Variants in SLC23A2 observed in about 807,000 individuals in gnomAD.
The protein encoded by SLC23A2 is solute carrier family 23 member 2.
A neutral mutation model predicts 73.3 loss-of-function variants in SLC23A2; 36 were observed. The observed-to-expected ratio is 0.49, with a 90% CI of 0.38 to 0.65. The LOEUF (loss-of-function observed/expected upper bound fraction) is 0.65, where lower values mean the gene tolerates loss of function less well. SLC23A2 is among the 30% of genes least tolerant of loss of function. The pLI, the probability that SLC23A2 is intolerant of heterozygous loss-of-function variation, is 0.00. For missense variants in SLC23A2, 507 were observed against 841.6 expected, an observed-to-expected ratio of 0.60 and a Z score of 4.92; for synonymous variants, 343 against 327.3, an observed-to-expected ratio of 1.05 and a Z score of -0.52.
Position 4,911,720 on chromosome 20 carries a change from T to C in SLC23A2, c.207+1160A>G, listed in dbSNP as rs772797161. ...AAAACTCAAATGAAAGCCTCAGAGC[T>C]GCGATACAATTTGGAGATATCAGAT... is the stretch of plus-strand genomic sequence containing the variant. On this transcript the variant is annotated intron_variant, in intron 4 of 16. Transcript: ENST00000338244. Among the ~76,000 whole-genome samples the C allele has an allele frequency of 1.3e-3, 191 of 152,322 alleles. 2 individuals carry two copies. The highest frequency in any genetic ancestry group is 6.9e-4 in the Non-Finnish European group (47 of 68,018).
At chr20:4,925,196 A>AG (rs1330770535) in intron 3 of SLC23A2, among the ~76,000 whole-genome samples, 1 of 151,968 alleles carries the variant, frequency 6.6e-6, no homozygotes, top group East Asian at 1.9e-4. Flanking sequence ...AAAAAAAAAA[A>AG]AGGATGGAAA....
In SLC23A2 at chr20:4,853,272, A is replaced by G. The variant is rs1929592270; in HGVS notation, c.*3700T>C. The G allele has an allele frequency of 6.6e-6, 1 of 152,556 alleles. No homozygotes were observed. Among genetic ancestry groups the G allele is most frequent in the South Asian group, 2.1e-4 (1 of 4,830 alleles). The allele number at this position is 152,556 out of a possible 1,614,324, so 9.5% of individuals were successfully genotyped here. ...GCGAGTGTACACCCCATGCACGGCC[A>G]TCCCCCAGGATGCTGCTGCTTCTCT... On this transcript the variant is annotated 3_prime_UTR_variant, in exon 17 of 17. Transcript: ENST00000338244.
chr20:4,981,389 CAGTATAAATAT>C (rs1383463721), intron 1 of SLC23A2, among the ~76,000 whole-genome samples: 3 of 152,148 alleles, frequency 2.0e-5, no homozygotes, highest in Non-Finnish European at 4.4e-5. Context: ...GCTTTAAAAG[CAGTATAAATAT>C]CTGAATTTTA....
At chr20:4,961,953 G>A (rs1344351099) in intron 2 of SLC23A2, among the ~76,000 whole-genome samples, 12 of 152,058 alleles carry the variant, frequency 7.9e-5, no homozygotes, top group Non-Finnish European at 1.6e-4. Flanking sequence ...AGAGATGTAC[G>A]TAGACAGTTG....
chr20:4,888,893 G>A (rs879654849), intron 6 of SLC23A2, among the ~76,000 whole-genome samples: 10 of 152,176 alleles, frequency 6.6e-5, no homozygotes, highest in Non-Finnish European at 1.2e-4. Flanking sequence ...TCTGCATCTC[G>A]TCCTGGTTAG....
At chr20:4,939,151 C>T (rs1392757052) in intron 2 of SLC23A2, among the ~76,000 whole-genome samples, 1 of 152,158 alleles carries the variant, frequency 6.6e-6, no homozygotes, top group Admixed American at 6.6e-5. Context: ...TCTGCCTAGC[C>T]AGAGAGCTGT....
chr20:4,905,730 C>A (rs372510903), intron 4 of SLC23A2, among the ~76,000 whole-genome samples: 2 of 152,280 alleles, frequency 1.3e-5, no homozygotes, highest in South Asian at 4.1e-4. Context: ...ATTTCTTCTG[C>A]AGCACAGTCA....
intron 1 of SLC23A2, among the ~76,000 whole-genome samples, chr20:4,995,351 T>G (rs7273306): frequency 4.6e-5 from 7 of 152,110 alleles, no homozygotes; most frequent in Non-Finnish European, 7.4e-5. Context: ...CTCCTCCCAG[T>G]GCACCCTTTA....
chr20:5,008,288 G>T (rs1308826153), intron 1 of SLC23A2, among the ~76,000 whole-genome samples: 1 of 152,096 alleles, frequency 6.6e-6, no homozygotes, highest in African/African-American at 2.4e-5. Context: ...AACAGAGTGA[G>T]ACCTTGTCTC....
chr20:4,869,463 G>GCTCTCTCTCT (rs201833823), intron 12 of SLC23A2: 1 of 146,842 alleles, frequency 6.8e-6, no homozygotes, highest in Non-Finnish European at 1.5e-5. Flanking sequence ...TCAAAGTAGT[G>GCTCTCTCTCT]CTCTCTATCT....
chr20:4,913,021 C>G, intron 3 of SLC23A2, 43 bp from the exon 4 acceptor site: 1 of 1,303,254 alleles, frequency 7.7e-7, no homozygotes, highest in Non-Finnish European at 1.1e-6. Context: ...GCGTGAACCA[C>G]ATTTTCCTCC....
chr20:4,937,542 T>G (rs1292629675), intron 2 of SLC23A2, among the ~76,000 whole-genome samples: 1 of 152,120 alleles, frequency 6.6e-6, no homozygotes. Context: ...TAAATGACAG[T>G]TATTTCTGGC....
chr20:4,997,019 C>T (rs906178473), intron 1 of SLC23A2, among the ~76,000 whole-genome samples: 1 of 152,104 alleles, frequency 6.6e-6, no homozygotes, highest in African/African-American at 2.4e-5. Flanking sequence ...CAGTTAATGG[C>T]CTCTTTCTTT....
intron 12 of SLC23A2, chr20:4,869,553 A>C (rs1298544028): frequency 4.5e-6 from 1 of 221,598 alleles, no homozygotes; most frequent in Non-Finnish European, 9.0e-6. Context: ...ACACACACAC[A>C]CACACACCCC....
At position 4,899,934 on chromosome 20, in the gene SLC23A2, G is replaced by T. The variant is rs1325154845; in HGVS notation, c.325-222C>A. On this transcript the variant is annotated intron_variant, in intron 5 of 16. Coordinates refer to ENST00000338244, the MANE Select transcript of SLC23A2 (RefSeq NM_005116.6). The surrounding 1 kb of genome is among the most constrained non-coding windows in gnomAD (Gnocchi z 4.9). Reference sequence around the variant, plus strand: ...TGCCCTCGACGGAGTGCAATGGTGCGATCTTGGCTCACTGTGACCTCCACC... The same window carrying T: ...TGCCCTCGACGGAGTGCAATGGTGCTATCTTGGCTCACTGTGACCTCCACC... Among the ~76,000 whole-genome samples the T allele has an allele frequency of 6.6e-6, 1 of 152,114 alleles. No individual in the cohort carries two copies. The highest frequency in any genetic ancestry group is 2.4e-5 in the African/African-American group (1 of 41,400).
intron 9 of SLC23A2, among the ~76,000 whole-genome samples, chr20:4,877,112 G>T (rs1930688759): frequency 6.6e-6 from 1 of 151,978 alleles, no homozygotes. Context: ...GTATACATAT[G>T]TAACAAACCT....
chr20:4,863,018 A>C lies in SLC23A2; in HGVS notation c.1357-111T>G. The C allele has an allele frequency of 9.6e-7, 1 of 1,046,650 alleles. No homozygotes were observed. 64.8% of individuals were successfully genotyped at this position (1,046,650 alleles called of 1,614,324 possible). A position where few individuals can be genotyped will look rare whatever the true frequency, so the allele number is the denominator to read the frequency against. On this transcript the variant is annotated intron_variant, in intron 13 of 16. Coordinates refer to ENST00000338244, the MANE Select transcript of SLC23A2 (RefSeq NM_005116.6). This position sits in a 1 kb window ranked among gnomAD's most constrained non-coding sequence, Gnocchi z 4.8. Reference sequence around the variant, plus strand: ...ACCCATGGCCTGGCTCGCTACCTTCACCTCCTCCTCAGCCCACTCTTCTCA... The same window carrying C: ...ACCCATGGCCTGGCTCGCTACCTTCCCCTCCTCCTCAGCCCACTCTTCTCA...
chr20:4,895,062 G>C (rs961014193), intron 6 of SLC23A2, among the ~76,000 whole-genome samples: 1 of 152,226 alleles, frequency 6.6e-6, no homozygotes, highest in Non-Finnish European at 1.5e-5. Flanking sequence ...TACTCAGCAA[G>C]AGGCAGTCAA....
At chr20:4,944,399 C>T (rs895947106) in intron 2 of SLC23A2, among the ~76,000 whole-genome samples, 3 of 152,196 alleles carry the variant, frequency 2.0e-5, no homozygotes, top group East Asian at 3.9e-4. Flanking sequence ...CCACCACACC[C>T]GGCTAATTTT....
Sources: gnomAD v4.1 joint callset for allele counts (sites outside exome capture counted in the v4.1 genomes callset) on GRCh38, gnomAD v4.1.1 for gene constraint, Gnocchi (gnomAD v3.1) non-coding constraint, MANE v1.5 for transcripts, NCBI Gene and HGNC (gene_info 2026-07-23, HGNC 2026-07-21) for gene names.